The following CARD10 variants were observed in gnomAD, a reference collection of about 807,000 sequenced individuals.
CARD10 encodes caspase recruitment domain-containing protein 10.
A neutral mutation model predicts 114.6 loss-of-function variants in CARD10; 49 were observed. The observed-to-expected ratio is 0.43, with a 90% confidence interval of 0.34 to 0.54. The LOEUF (loss-of-function observed/expected upper bound fraction) is 0.54, where lower values mean the gene tolerates loss of function less well. CARD10 is among the 20% of genes least tolerant of loss of function. The pLI is 0.03. For missense variants in CARD10, 1,206 were observed against 1,397.2 expected, an observed-to-expected ratio of 0.86 and a Z score of 2.18; for synonymous variants, 602 against 593.2, an observed-to-expected ratio of 1.01 and a Z score of -0.21.
intron 4 of CARD10, among the ~76,000 whole-genome samples, chr22:37,509,721 G>GC (rs1156298372): frequency 1.1e-5 from 1 of 90,344 alleles, no homozygotes; most frequent in Non-Finnish European, 2.5e-5. Flanking sequence ...TGGCCACGAG[G>GC]CCCAGCCCTG....
chr22:37,491,672 G>A, intron 19 of CARD10, 83 bp downstream of exon 19: 1 of 653,540 alleles, frequency 1.5e-6, no homozygotes, highest in South Asian at 1.6e-5. Flanking sequence ...GAGGGAGAGA[G>A]AGGGGGGAGG....
Position 37,497,060 on chromosome 22 carries a change from C to A in CARD10, c.1906G>T (p.Val636Leu), listed in dbSNP as rs1252678363. The change falls in exon 12 of 20, where the codon GTG becomes TTG. Residue 636 changes from valine (V) to leucine (L), a missense_variant. Physicochemically the swap from Val to Leu is conservative, Grantham distance 32 (BLOSUM62 1). Around this residue, in one of 2 missense-constraint regions of CARD10, gnomAD observed 1,068 missense variants for 1,179.1 expected, o/e 0.91. Transcript: ENST00000251973. ...DRWSGAVVRR[V>L]LSGPGSARME... ...CTGGCGGACCCAGGCCCAGACAGCA[C>A]CCTGCGCACCACAGCCCCAGACCAT... is the stretch of plus-strand genomic sequence containing the variant. 6 of 1,613,986 alleles carry A rather than the reference C, an allele frequency of 3.7e-6. No homozygotes were observed. Among genetic ancestry groups the A allele is most frequent in the East Asian group, 2.2e-5 (1 of 44,890 alleles).
chr22:37,512,513 ACACACACG>A lies in CARD10; in HGVS notation c.700-2100_700-2093del, dbSNP rs1339230867. On this transcript the variant is annotated intron_variant, in intron 3 of 19. Transcript: ENST00000251973. ...CACACACACACACACACACACACAC[ACACACACG>A]GGTCTGGAGGCTGGGTCAGGCAATT... is the stretch of plus-strand genomic sequence containing the variant. 2.1e-5 allele frequency among the ~76,000 whole-genome samples: 3 copies of A among 144,454 alleles called. 1 individual carries two copies. The highest frequency in any genetic ancestry group is 5.5e-5 in the African/African-American group (2 of 36,690). The allele number at this position is 144,454 out of a possible 152,430, so 94.8% of individuals were successfully genotyped here.
At position 37,507,901 on chromosome 22, in the gene CARD10, G is replaced by A. The variant is rs372958651; in HGVS notation, c.1119C>T (p.Asp373=). The A allele has an allele frequency of 3.7e-6, 6 of 1,614,208 alleles. No homozygotes were observed. The highest frequency in any genetic ancestry group is 5.1e-6 in the Non-Finnish European group (6 of 1,180,008). Reference sequence around the variant, plus strand: ...CCATGCGGTGCTTGTACAGGTCACAGTCCTTCTGCAGCGTGCGGTGCTTGA... The same window carrying A: ...CCATGCGGTGCTTGTACAGGTCACAATCCTTCTGCAGCGTGCGGTGCTTGA... The part of the protein sequence containing the change: ...LRLKHRTLQK[D]CDLYKHRMAT... The change falls in exon 6 of 20, where the codon GAC becomes GAT. Residue 373 remains aspartate (D), a synonymous_variant. Coordinates refer to ENST00000251973, the MANE Select transcript of CARD10 (RefSeq NM_014550.4).
At chr22:37,508,810 G>A in intron 4 of CARD10, 128 bp from the exon 5 acceptor site, 1 of 1,241,330 alleles carries the variant, frequency 8.1e-7, no homozygotes, top group Non-Finnish European at 1.1e-6. Context: ...CTGGCCCGGG[G>A]CCTCGACCCT....
chr22:37,515,867 C>T (rs750992822), intron 3 of CARD10, 106 bp downstream of exon 3: 7 of 892,012 alleles, frequency 7.8e-6, no homozygotes, highest in Non-Finnish European at 1.0e-5. Context: ...GACTTATCCA[C>T]GTCAAAGAGC....
intron 11 of CARD10, among the ~76,000 whole-genome samples, chr22:37,499,692 G>A (rs1923142759): frequency 1.3e-5 from 2 of 152,092 alleles, no homozygotes; most frequent in Admixed American, 6.6e-5. Flanking sequence ...AAGGACCAGT[G>A]ACTTCTCTGA....
intron 15 of CARD10, among the ~76,000 whole-genome samples, chr22:37,494,819 G>C (rs940711790): frequency 1.3e-5 from 2 of 152,206 alleles, no homozygotes; most frequent in Non-Finnish European, 2.9e-5. Context: ...AGCTGGGGTC[G>C]AATGCAGGCT....
chr22:37,495,156 C>T (rs903329609), intron 15 of CARD10, among the ~76,000 whole-genome samples: 17 of 152,072 alleles, frequency 1.1e-4, no homozygotes, highest in Non-Finnish European at 2.2e-4. Flanking sequence ...TCAGTAGAGA[C>T]GGGGTTTCAC....
In CARD10 at chr22:37,492,811, G is replaced by A. The variant is rs767098017; in HGVS notation, c.2477-9C>T. On this transcript the variant is annotated splice_polypyrimidine_tract_variant and intron_variant, in intron 16 of 19. Coordinates refer to ENST00000251973, the MANE Select transcript of CARD10 (RefSeq NM_014550.4). This position sits in a 1 kb window ranked among gnomAD's most constrained non-coding sequence, Gnocchi z 5.7. ...GAGGCTCCGCTCCGGCTCTGTGGCA[G>A]GGGAGGGGCGCAAAAGAGATAAGGG... The A allele has an allele frequency of 2.2e-5, 35 of 1,608,544 alleles. No individual in the cohort carries two copies. Among genetic ancestry groups the A allele is most frequent in the Non-Finnish European group, 2.9e-5 (34 of 1,179,118 alleles).
chr22:37,514,771 G>A (rs1923778984), intron 3 of CARD10: 1 of 152,338 alleles, frequency 6.6e-6, no homozygotes, highest in South Asian at 2.1e-4. Context: ...CATGGCTGGA[G>A]AGAGCCTCCT....
rs532862894 is a variant in CARD10 at position 37,502,703 on chromosome 22, C to T, written c.1686G>A (p.Trp562Ter). 1 of 1,613,532 alleles carries T rather than the reference C, an allele frequency of 6.2e-7. No individual in the cohort carries two copies. The highest frequency in any genetic ancestry group is 1.1e-5 in the South Asian group (1 of 91,060). The change falls in exon 11 of 20, where the codon TGG becomes TGA. Residue 562 changes from tryptophan (W) to a stop codon, truncating the protein, a stop_gained. Coordinates refer to ENST00000251973, the MANE Select transcript of CARD10 (RefSeq NM_014550.4). LOFTEE classifies it high-confidence loss of function. ...ATGAGGACGAAGAGAGGCCAGGGGA[C>T]CAGGGCTTAAGTGTCACACTCCCTG... ...DITGSVTLKP[W>*]SPGLSSSSSS...
intron 1 of CARD10, 118 bp downstream of exon 1, chr22:37,518,848 G>C: frequency 1.6e-6 from 2 of 1,268,712 alleles, no homozygotes; most frequent in South Asian, 3.2e-5. Flanking sequence ...CCACTCTACT[G>C]ATGCGGAGAC....
chr22:37,496,740 C>T lies in CARD10; in HGVS notation c.1948-180G>A. Reference sequence around the variant, plus strand: ...TCCCCATCCACAGGACGCCCCCATCCACAGGACTCCCCAACCCGCCCAGCT... The same window carrying T: ...TCCCCATCCACAGGACGCCCCCATCTACAGGACTCCCCAACCCGCCCAGCT... On this transcript the variant is annotated intron_variant, in intron 12 of 19. Coordinates refer to ENST00000251973, the MANE Select transcript of CARD10 (RefSeq NM_014550.4). This position sits in a 1 kb window ranked among gnomAD's most constrained non-coding sequence, Gnocchi z 4.1. The T allele has an allele frequency of 1.6e-6, 1 of 638,658 alleles. No individual in the cohort carries two copies. The highest frequency in any genetic ancestry group is 1.9e-5 in the South Asian group (1 of 52,926). The allele number at this position is 638,658 out of a possible 1,614,324, so 39.6% of individuals were successfully genotyped here. A position where few individuals can be genotyped will look rare whatever the true frequency, so the allele number is the denominator to read the frequency against.
intron 3 of CARD10, among the ~76,000 whole-genome samples, chr22:37,511,647 G>A (rs574050498): frequency 4.6e-5 from 7 of 151,960 alleles, no homozygotes; most frequent in African/African-American, 4.8e-5. Context: ...CTGTACGGGG[G>A]GGGTGTGAGG....
chr22:37,517,333 G>T (rs1923874171), intron 2 of CARD10, among the ~76,000 whole-genome samples: 2 of 152,120 alleles, frequency 1.3e-5, no homozygotes, highest in Non-Finnish European at 2.9e-5. Flanking sequence ...GTATGTGTTT[G>T]TGTTTTTTAT....
Position 37,519,060 on chromosome 22 carries a change from G to T in CARD10, c.141C>A (p.Leu47=). 6.3e-7 allele frequency: 1 copy of T among 1,594,112 alleles called. No homozygotes were observed. The highest frequency in any genetic ancestry group is 1.7e-5 in the Admixed American group (1 of 59,460). The change falls in exon 1 of 20, where the codon CTC becomes CTA. Residue 47 remains leucine, a synonymous_variant. Coordinates refer to ENST00000251973, the MANE Select transcript of CARD10 (RefSeq NM_014550.4). This position sits in a 1 kb window ranked among gnomAD's most constrained non-coding sequence, Gnocchi z 4.1. The stretch of plus-strand genomic sequence containing the variant: ...CCCGGCACTGGCGCAGATACGGCGT[G>T]AGCTTGGCCGGGTTCAGGGCGCGAG... ...RLARALNPAK[L]TPYLRQCRVI... is the part of the protein sequence containing the mutation.
rs1923593193 is a variant in CARD10 at position 37,510,325 on chromosome 22, TCTC to T, written c.793_795del (p.Glu265del). 4 of 1,609,628 alleles carry T rather than the reference TCTC, an allele frequency of 2.5e-6. No individual in the cohort carries two copies. Among genetic ancestry groups the T allele is most frequent in the Admixed American group, 1.7e-5 (1 of 59,860 alleles). The stretch of plus-strand genomic sequence containing the variant: ...GGCTCCTTCTCCTTCTCCTTCTCCT[TCTC>T]CTTCTCCTCTGCCCCAGGGGGCGGG... On this transcript the variant is annotated inframe_deletion, in exon 4 of 20. Coordinates refer to ENST00000251973, the MANE Select transcript of CARD10 (RefSeq NM_014550.4).
In CARD10 at chr22:37,491,789, C is replaced by T. The variant is rs747019552; in HGVS notation, c.2830G>A (p.Val944Met). Residue 944 changes from valine to methionine, a missense_variant, in exon 19 of 20, where the codon GTG becomes ATG. Physicochemically the swap from Val to Met is conservative, Grantham distance 21. Around this residue, in one of 2 missense-constraint regions of CARD10, gnomAD observed 1,068 missense variants for 1,179.1 expected, o/e 0.91. Coordinates refer to ENST00000251973, the MANE Select transcript of CARD10 (RefSeq NM_014550.4). The part of the protein sequence containing the change: ...QNEIYPIVIH[V>M]EVTEKNVREV... Reference sequence around the variant, plus strand: ...CGGACATTCTTCTCAGTCACCTCCACGTGGATGACGATGGGGTAGATCTCG... The same window carrying T: ...CGGACATTCTTCTCAGTCACCTCCATGTGGATGACGATGGGGTAGATCTCG... 7 of 1,604,736 alleles carry T rather than the reference C, an allele frequency of 4.4e-6. No homozygotes were observed. Among genetic ancestry groups the T allele is most frequent in the South Asian group, 2.2e-5 (2 of 90,870 alleles).
Sources: gnomAD v4.1 joint callset for allele counts (sites outside exome capture counted in the v4.1 genomes callset) on GRCh38, gnomAD v4.1.1 for gene constraint, gnomAD v4.1.1 regional missense constraint, Gnocchi (gnomAD v3.1) non-coding constraint, MANE v1.5 for transcripts, NCBI Gene and HGNC (gene_info 2026-07-23, HGNC 2026-07-21) for gene names.